Variants in PDE10A observed in about 807,000 individuals in gnomAD.
The protein encoded by PDE10A is phosphodiesterase 10A, also known as cAMP and cAMP-inhibited cGMP 3',5'-cyclic phosphodiesterase 10A.
A neutral mutation model predicts 97.7 loss-of-function variants in PDE10A; 39 were observed. That is an observed-to-expected ratio of 0.40 (90% CI 0.31 to 0.52). The LOEUF is 0.52. PDE10A is among the 20% of genes least tolerant of loss of function. PDE10A has a pLI of 0.56. For synonymous variants in PDE10A, 371 were observed against 376.8 expected, an observed-to-expected ratio of 0.98 and a Z score of 0.18; for missense variants, 731 against 1,047.8, an observed-to-expected ratio of 0.70 and a Z score of 4.17.
rs10455957 is a variant in PDE10A, at chr6:165,430,763, G to A, written c.1543-418C>T. Among the ~76,000 whole-genome samples the A allele has an allele frequency of 6.6e-5, 10 of 151,848 alleles. No individual in the cohort carries two copies. In the East Asian group the frequency reaches 7.8e-4, roughly 12 times the overall value. On this transcript the variant is annotated intron_variant, in intron 8 of 21. Coordinates refer to ENST00000539869, the MANE Select transcript of PDE10A (RefSeq NM_001385079.1). ...ATATTCCACCTACACCTGATAATTC[G>A]AGTCCTTTCTACTCCTTCTATTATC...
At chr6:165,713,154 C>T (rs957861197) in intron 1 of PDE10A, among the ~76,000 whole-genome samples, 4 of 152,188 alleles carry the variant, frequency 2.6e-5, no homozygotes, top group Non-Finnish European at 5.9e-5. Flanking sequence ...CCCTCAGGGT[C>T]CCAGCCTTGC....
chr6:165,976,866 T>G (rs1270652397), intron 1 of PDE10A, among the ~76,000 whole-genome samples: 1 of 152,156 alleles, frequency 6.6e-6, no homozygotes, highest in Non-Finnish European at 1.5e-5. Context: ...CATGCCATCC[T>G]CCTGTCCCCA....
intron 1 of PDE10A, among the ~76,000 whole-genome samples, chr6:165,829,215 C>T (rs1316513247): frequency 6.6e-6 from 1 of 152,212 alleles, no homozygotes; most frequent in Admixed American, 6.5e-5. Context: ...GGCCACTCTG[C>T]CTCCCTGATA....
chr6:165,935,335 G>C (rs765038593), intron 1 of PDE10A, among the ~76,000 whole-genome samples: 2 of 152,196 alleles, frequency 1.3e-5, no homozygotes, highest in African/African-American at 4.8e-5. Context: ...GATAATCAAA[G>C]AACTGGAAGT....
At chr6:165,364,898 T>C (rs1009395694) in intron 18 of PDE10A, among the ~76,000 whole-genome samples, 2 of 151,860 alleles carry the variant, frequency 1.3e-5, no homozygotes, top group Admixed American at 6.6e-5. Context: ...CAGAAATAAA[T>C]AATCTAAAAA....
intron 19 of PDE10A, among the ~76,000 whole-genome samples, chr6:165,342,638 T>C (rs545161482): frequency 3.5e-4 from 54 of 152,236 alleles, no homozygotes; most frequent in Non-Finnish European, 6.6e-4. Context: ...AGCTGCTTTG[T>C]CCTCCAAATT....
At chr6:165,691,583 A>G (rs1562687645) in intron 1 of PDE10A, among the ~76,000 whole-genome samples, 1 of 144,678 alleles carries the variant, frequency 6.9e-6, no homozygotes, top group East Asian at 2.2e-4. Flanking sequence ...GCACGCATGC[A>G]CGCGCGCGCA....
intron 1 of PDE10A, among the ~76,000 whole-genome samples, chr6:165,814,136 C>T (rs1040512505): frequency 2.6e-5 from 4 of 152,160 alleles, no homozygotes; most frequent in African/African-American, 9.7e-5. Context: ...AAATGCAACA[C>T]ATTCTGAATT....
At chr6:165,840,081 T>TGCATCTCTGTCTTCATCCCCATCC in intron 1 of PDE10A, among the ~76,000 whole-genome samples, 1 of 152,000 alleles carries the variant, frequency 6.6e-6, no homozygotes, top group Non-Finnish European at 1.5e-5. Context: ...CATCCCCACC[T>TGCATCTCTGTCTTCATCCCCATCC]TCATCCCCAT....
chr6:165,649,400 C>T (rs1489709824), intron 1 of PDE10A, among the ~76,000 whole-genome samples: 3 of 152,130 alleles, frequency 2.0e-5, no homozygotes, highest in Non-Finnish European at 4.4e-5. Flanking sequence ...CACTGAGACA[C>T]TCCCAGAGAC....
chr6:165,539,211 T>A (rs1205841645), intron 2 of PDE10A, among the ~76,000 whole-genome samples: 3 of 152,164 alleles, frequency 2.0e-5, no homozygotes, highest in Non-Finnish European at 4.4e-5. Context: ...AGATCAACTT[T>A]TAAAAAGCAA....
intron 1 of PDE10A, among the ~76,000 whole-genome samples, chr6:165,613,145 AT>A (rs1787574366): frequency 1.3e-5 from 2 of 152,360 alleles, no homozygotes; most frequent in South Asian, 4.1e-4. Flanking sequence ...CTTGAATTAC[AT>A]GATAAAACAA....
At chr6:165,856,036 C>A (rs1780723899) in intron 1 of PDE10A, among the ~76,000 whole-genome samples, 1 of 152,130 alleles carries the variant, frequency 6.6e-6, no homozygotes. Context: ...TGATGAGGGG[C>A]CAGGACTCAG....
intron 1 of PDE10A, among the ~76,000 whole-genome samples, chr6:165,849,723 T>C (rs1004607835): frequency 2.0e-5 from 3 of 152,236 alleles, no homozygotes; most frequent in Non-Finnish European, 2.9e-5. Flanking sequence ...AGCAGGTTGC[T>C]TCTGAACAAG....
intron 1 of PDE10A, among the ~76,000 whole-genome samples, chr6:165,721,094 G>T (rs1473885214): frequency 1.3e-5 from 2 of 152,194 alleles, no homozygotes; most frequent in African/African-American, 4.8e-5. Flanking sequence ...TGGAGAAAAA[G>T]ATCAAATCAG....
At chr6:165,767,299 C>T (rs557073805) in intron 1 of PDE10A, among the ~76,000 whole-genome samples, 70 of 152,230 alleles carry the variant, frequency 4.6e-4, no homozygotes, top group African/African-American at 1.6e-3. Flanking sequence ...AATACATATA[C>T]CATAAAATTC....
chr6:165,677,945 C>T (rs1005036631), intron 1 of PDE10A, among the ~76,000 whole-genome samples: 30 of 150,450 alleles, frequency 2.0e-4, no homozygotes, highest in Middle Eastern at 3.3e-3. Flanking sequence ...TTTGTATATC[C>T]GTGTGTGTGT....
At chr6:165,763,233 C>T (rs757212335) in intron 1 of PDE10A, among the ~76,000 whole-genome samples, 3 of 152,308 alleles carry the variant, frequency 2.0e-5, no homozygotes, top group African/African-American at 4.8e-5. Context: ...TGCCCCTGCT[C>T]GCCTCGTTTT....
intron 18 of PDE10A, among the ~76,000 whole-genome samples, chr6:165,362,685 T>C (rs186994399): frequency 7.9e-5 from 12 of 152,014 alleles, no homozygotes; most frequent in Admixed American, 6.6e-5. Context: ...AAAAAAACAG[T>C]AGAGGAGGGA....
Sources: allele counts gnomAD v4.1 joint callset (sites outside exome capture counted in the v4.1 genomes callset), GRCh38; gene constraint gnomAD v4.1.1; transcripts MANE v1.5; gene names NCBI Gene and HGNC (gene_info 2026-07-23, HGNC 2026-07-21).